The following CDH13 variants were observed in gnomAD, a reference collection of about 807,000 sequenced individuals.
CDH13 encodes cadherin-13.
A neutral mutation model predicts 63.8 loss-of-function variants in CDH13; 24 were observed. That is an observed-to-expected ratio of 0.38 (90% CI 0.27 to 0.53). The LOEUF (loss-of-function observed/expected upper bound fraction) is 0.53. Among genes scored for constraint, CDH13 ranks in the 20% least tolerant of loss-of-function variants. The pLI is 0.85. For synonymous variants in CDH13, 503 were observed against 355.3 expected, an observed-to-expected ratio of 1.42 and a Z score of -4.67; for missense variants, 1,049 against 903.1, an observed-to-expected ratio of 1.16 and a Z score of -2.07.
intron 7 of CDH13, among the ~76,000 whole-genome samples, chr16:83,573,601 C>T (rs967893988): frequency 1.3e-5 from 2 of 152,112 alleles, no homozygotes; most frequent in African/African-American, 2.4e-5. Flanking sequence ...GCACAGTTGC[C>T]ATAATTGATA....
intron 7 of CDH13, among the ~76,000 whole-genome samples, chr16:83,531,776 G>C (rs1158951101): frequency 6.6e-6 from 1 of 152,160 alleles, no homozygotes; most frequent in Non-Finnish European, 1.5e-5. Flanking sequence ...GTGTGGCCCT[G>C]CGGCCACCTT....
At chr16:83,330,386 C>T (rs1160658501) in intron 5 of CDH13, among the ~76,000 whole-genome samples, 2 of 152,092 alleles carry the variant, frequency 1.3e-5, no homozygotes, top group East Asian at 3.9e-4. Flanking sequence ...TACAACTGCA[C>T]GTGAATAAAA....
chr16:83,270,417 T>C (rs1468272518), intron 5 of CDH13, among the ~76,000 whole-genome samples: 1 of 152,194 alleles, frequency 6.6e-6, no homozygotes, highest in Non-Finnish European at 1.5e-5. Context: ...ATCTGAGAAT[T>C]ACAACCATTG....
chr16:82,912,698 C>T (rs867996151), intron 2 of CDH13, among the ~76,000 whole-genome samples: 1 of 152,196 alleles, frequency 6.6e-6, no homozygotes, highest in Non-Finnish European at 1.5e-5. Context: ...AATCCCAGCA[C>T]TTTGGGAGGC....
In CDH13 at chr16:83,602,639, A is replaced by G. The variant is rs74035212; in HGVS notation, c.1101+45A>G. ...ACCAACCACCACTGTGGTCACAGCTACAATTACTGATTGATGTTAATTCAC... is the reference window on the plus strand; with the variant it reads ...ACCAACCACCACTGTGGTCACAGCTGCAATTACTGATTGATGTTAATTCAC... On this transcript the variant is annotated intron_variant, in intron 8 of 13. Transcript: ENST00000567109. 5,064 of 1,599,182 alleles carry G rather than the reference A, an allele frequency of 3.2e-3. 174 individuals carry two copies. The African/African-American group carries it at 0.059, about 19-fold the overall frequency.
intron 5 of CDH13, among the ~76,000 whole-genome samples, chr16:83,327,370 G>A (rs1280645899): frequency 6.6e-6 from 1 of 152,134 alleles, no homozygotes; most frequent in African/African-American, 2.4e-5. Context: ...TTTTGGCTGG[G>A]TTCATTCACC....
In CDH13 at chr16:83,285,982, T is replaced by C. The variant is rs531574584; in HGVS notation, c.637-58880T>C. 2.6e-4 allele frequency among the ~76,000 whole-genome samples: 40 copies of C among 152,340 alleles called. No individual in the cohort carries two copies. In the East Asian group the frequency reaches 7.3e-3, roughly 28 times the overall value. On this transcript the variant is annotated intron_variant, in intron 5 of 13. Transcript: ENST00000567109. Reference sequence around the variant, plus strand: ...TCCTGCCCATGTCCTGCCCACTTTCTGTTCCAGGTTTCAGAGGAGCAAAGA... The same window carrying C: ...TCCTGCCCATGTCCTGCCCACTTTCCGTTCCAGGTTTCAGAGGAGCAAAGA...
intron 6 of CDH13, among the ~76,000 whole-genome samples, chr16:83,345,238 A>G (rs776846622): frequency 2.6e-5 from 4 of 152,198 alleles, no homozygotes; most frequent in Non-Finnish European, 4.4e-5. Context: ...TCCTCCAAGG[A>G]TGACTGCCAT....
intron 7 of CDH13, among the ~76,000 whole-genome samples, chr16:83,531,583 A>G (rs2075084969): frequency 6.6e-6 from 1 of 152,184 alleles, no homozygotes; most frequent in South Asian, 2.1e-4. Context: ...TCAGCCAGAT[A>G]TGCTCAATTA....
intron 8 of CDH13, among the ~76,000 whole-genome samples, chr16:83,646,679 C>G (rs1251597090): frequency 6.8e-5 from 8 of 117,618 alleles, no homozygotes; most frequent in Admixed American, 6.2e-4. Flanking sequence ...GTGACAAGAG[C>G]AAGACTCCGT....
At chr16:83,246,135 A>T (rs1054672543) in intron 5 of CDH13, among the ~76,000 whole-genome samples, 1 of 152,166 alleles carries the variant, frequency 6.6e-6, no homozygotes, top group Non-Finnish European at 1.5e-5. Context: ...GGTTTTATTA[A>T]TTATATATTT....
intron 1 of CDH13, among the ~76,000 whole-genome samples, chr16:82,713,499 C>T (rs1346713821): frequency 1.3e-5 from 2 of 152,294 alleles, no homozygotes; most frequent in East Asian, 1.9e-4. Flanking sequence ...TCTGTGCTTC[C>T]TCTGCCAACA....
intron 11 of CDH13, among the ~76,000 whole-genome samples, chr16:83,774,077 C>T (rs569800566): frequency 8.7e-4 from 133 of 152,320 alleles, no homozygotes; most frequent in African/African-American, 3.1e-3. Flanking sequence ...TGAAAAAGAT[C>T]TACTCAACTC....
chr16:83,721,906 A>G (rs1909746855), intron 10 of CDH13: 1 of 152,194 alleles, frequency 6.6e-6, no homozygotes, highest in Non-Finnish European at 1.5e-5. Flanking sequence ...CCGTGGGGAA[A>G]CCCATTTTGC....
At position 83,360,414 on chromosome 16, in the gene CDH13, T is replaced by C. The variant is rs1451715325; in HGVS notation, c.781+15408T>C. On this transcript the variant is annotated intron_variant, in intron 6 of 13. Transcript: ENST00000567109. ...AAATAGAGCCTTCTACAATTTTAGT[T>C]GGTTTGATTGTTTCATGGTAGATCT... 6.6e-5 allele frequency among the ~76,000 whole-genome samples: 10 copies of C among 152,308 alleles called. No homozygotes were observed. In the East Asian group the frequency reaches 1.3e-3, roughly 21 times the overall value.
intron 7 of CDH13, among the ~76,000 whole-genome samples, chr16:83,510,577 G>A (rs1205611189): frequency 6.6e-6 from 1 of 152,186 alleles, no homozygotes; most frequent in Non-Finnish European, 1.5e-5. Context: ...GAAGAGAAGG[G>A]CTGCAGTAGT....
rs79589598 is a variant in CDH13, at chr16:83,297,019, T to A, written c.637-47843T>A. ...GTTTGGGAAATCGCTCTGAAGAAGATGGAATGAAGGAGAGAGGGACTTCTG... is the reference window on the plus strand; with the variant it reads ...GTTTGGGAAATCGCTCTGAAGAAGAAGGAATGAAGGAGAGAGGGACTTCTG... On this transcript the variant is annotated intron_variant, in intron 5 of 13. Transcript: ENST00000567109. Among the ~76,000 whole-genome samples, 56 of 152,206 alleles carry A rather than the reference T, an allele frequency of 3.7e-4. 1 individual carries two copies. In the East Asian group the frequency reaches 7.7e-3, roughly 21 times the overall value.
intron 6 of CDH13, among the ~76,000 whole-genome samples, chr16:83,367,925 T>G (rs2091286990): frequency 6.6e-6 from 1 of 152,234 alleles, no homozygotes; most frequent in Admixed American, 6.5e-5. Context: ...GAATATAGAA[T>G]GCCTTTCCAT....
At chr16:82,689,338 G>A (rs1040981111) in intron 1 of CDH13, among the ~76,000 whole-genome samples, 1 of 152,044 alleles carries the variant, frequency 6.6e-6, no homozygotes, top group Non-Finnish European at 1.5e-5. Flanking sequence ...TAGGTAAATT[G>A]TTAGTTATCA....
Sources: gnomAD v4.1 joint callset for allele counts (sites outside exome capture counted in the v4.1 genomes callset) on GRCh38, gnomAD v4.1.1 for gene constraint, MANE v1.5 for transcripts, NCBI Gene and HGNC (gene_info 2026-07-23, HGNC 2026-07-21) for gene names.